Variants in NRP1 observed in about 807,000 individuals in gnomAD.
The protein encoded by NRP1 is neuropilin-1.
NRP1 carries 35 observed loss-of-function variants against 106.7 expected under a neutral mutation model. The ratio of observed to expected loss-of-function variants is 0.33; its 90% CI spans 0.25 to 0.43. The LOEUF is 0.43. Among genes scored for constraint, NRP1 ranks in the 20% least tolerant of loss-of-function variants. The pLI, the probability that NRP1 is intolerant of heterozygous loss-of-function variation, is 1.00. For synonymous variants in NRP1, 437 were observed against 417.9 expected (o/e 1.05, Z -0.56); for missense variants, 1,024 against 1,170.4 (o/e 0.87, Z 1.83).
At chr10:33,320,028 C>T (rs940179985) in intron 2 of NRP1, among the ~76,000 whole-genome samples, 3 of 144,122 alleles carry the variant, frequency 2.1e-5, no homozygotes, top group Admixed American at 6.9e-5. Flanking sequence ...AAGCCTGCTC[C>T]GGGGCCGGGC....
At chr10:33,217,837 C>T (rs1838901101) in intron 8 of NRP1, among the ~76,000 whole-genome samples, 1 of 152,076 alleles carries the variant, frequency 6.6e-6, no homozygotes, top group Admixed American at 6.5e-5. Flanking sequence ...GGATTGAGGT[C>T]GTTATTTTCA....
At chr10:33,247,692 A>T (rs116676176) in intron 6 of NRP1, among the ~76,000 whole-genome samples, 13,030 of 152,172 alleles carry the variant, frequency 0.086, 625 homozygotes, top group Middle Eastern at 0.2. Flanking sequence ...GTGGCCAGAG[A>T]GCTTTGCAAG....
chr10:33,268,334 G>A (rs1268418389), intron 3 of NRP1, among the ~76,000 whole-genome samples: 1 of 152,128 alleles, frequency 6.6e-6, no homozygotes, highest in East Asian at 1.9e-4. Context: ...TCACATGGGA[G>A]GGCCACAACT....
At chr10:33,270,943 T>G in intron 2 of NRP1, 87 bp from the exon 3 acceptor site, 1 of 1,202,702 alleles carries the variant, frequency 8.3e-7, no homozygotes, top group Non-Finnish European at 1.1e-6. Flanking sequence ...TCATCCAGCA[T>G]AGTGTGCCAG....
intron 2 of NRP1, among the ~76,000 whole-genome samples, chr10:33,319,041 G>C (rs898920521): frequency 1.7e-5 from 2 of 119,328 alleles, no homozygotes; most frequent in Admixed American, 2.2e-4. Flanking sequence ...GTCTCGCTCT[G>C]TCGCCCAGGC....
intron 12 of NRP1, chr10:33,195,713 A>C (rs1836735130): frequency 2.7e-6 from 1 of 369,542 alleles, no homozygotes; most frequent in Admixed American, 3.5e-5. Flanking sequence ...CCAGAAGGTG[A>C]CAATCAACAG....
chr10:33,314,230 G>A (rs910058398), intron 2 of NRP1, among the ~76,000 whole-genome samples: 4 of 152,060 alleles, frequency 2.6e-5, no homozygotes, highest in African/African-American at 7.2e-5. Context: ...AAGACTACGG[G>A]CGCATGGCAC....
intron 2 of NRP1, among the ~76,000 whole-genome samples, chr10:33,327,775 T>G (rs948365342): frequency 1.3e-5 from 2 of 152,136 alleles, no homozygotes; most frequent in African/African-American, 2.4e-5. Context: ...GAATCTCAAA[T>G]GCACCCTTCA....
intron 10 of NRP1, chr10:33,206,175 C>T (rs751425612): frequency 3.9e-6 from 2 of 517,088 alleles, no homozygotes; most frequent in South Asian, 2.8e-5. Context: ...GCATCGCCTT[C>T]CAGAATCCAG....
intron 6 of NRP1, among the ~76,000 whole-genome samples, chr10:33,253,042 A>G (rs1841972235): frequency 6.7e-6 from 1 of 150,064 alleles, no homozygotes; most frequent in Non-Finnish European, 1.5e-5. Flanking sequence ...GGAATTAGTC[A>G]TTTTATATCT....
At chr10:33,274,982 G>T (rs2133329189) in intron 2 of NRP1, among the ~76,000 whole-genome samples, 1 of 152,252 alleles carries the variant, frequency 6.6e-6, no homozygotes, top group Admixed American at 6.5e-5. Flanking sequence ...TGCCGTCCAA[G>T]AATTAACTTA....
intron 2 of NRP1, among the ~76,000 whole-genome samples, chr10:33,326,909 T>C (rs1487932890): frequency 6.6e-6 from 1 of 152,174 alleles, no homozygotes; most frequent in Non-Finnish European, 1.5e-5. Context: ...GTTAAGATTA[T>C]GAAATGATGT....
At chr10:33,279,379 C>A (rs74759424) in intron 2 of NRP1, among the ~76,000 whole-genome samples, 3,632 of 152,290 alleles carry the variant, frequency 0.024, 82 homozygotes, top group Non-Finnish European at 0.032. Flanking sequence ...CAGGTTCTTG[C>A]AGCTGCAGGG....
At chr10:33,290,273 G>A (rs990804874) in intron 2 of NRP1, among the ~76,000 whole-genome samples, 1 of 151,212 alleles carries the variant, frequency 6.6e-6, no homozygotes, top group African/African-American at 2.4e-5. Flanking sequence ...CCAAATCTGT[G>A]CTAGTTTAGT....
At chr10:33,196,949 C>T (rs917902379) in intron 12 of NRP1, among the ~76,000 whole-genome samples, 1 of 152,106 alleles carries the variant, frequency 6.6e-6, no homozygotes, top group East Asian at 1.9e-4. Context: ...TATTTAAAAC[C>T]TCTGATTGCT....
chr10:33,274,976 G>A (rs771434484), intron 2 of NRP1, among the ~76,000 whole-genome samples: 2 of 152,070 alleles, frequency 1.3e-5, no homozygotes, highest in Non-Finnish European at 2.9e-5. Flanking sequence ...CTGTGCTGCC[G>A]TCCAAGAATT....
At chr10:33,311,795 G>C (rs1474555345) in intron 2 of NRP1, among the ~76,000 whole-genome samples, 2 of 152,128 alleles carry the variant, frequency 1.3e-5, no homozygotes, top group Non-Finnish European at 2.9e-5. Context: ...ATGACCTCAT[G>C]TTCAACATCA....
At chr10:33,260,050 G>T (rs1188386352) in intron 4 of NRP1, among the ~76,000 whole-genome samples, 7 of 151,880 alleles carry the variant, frequency 4.6e-5, no homozygotes, top group African/African-American at 1.7e-4. Flanking sequence ...TAGAGACAGG[G>T]TCTCATCTCT....
At chr10:33,313,623 C>T (rs1846774657) in intron 2 of NRP1, among the ~76,000 whole-genome samples, 2 of 152,124 alleles carry the variant, frequency 1.3e-5, no homozygotes, top group South Asian at 4.2e-4. Flanking sequence ...GAGCTTCATT[C>T]CTCTCATTTC....
Sources: gnomAD v4.1 joint callset for allele counts (sites outside exome capture counted in the v4.1 genomes callset) on GRCh38, gnomAD v4.1.1 for gene constraint, MANE v1.5 for transcripts, NCBI Gene and HGNC (gene_info 2026-07-23, HGNC 2026-07-21) for gene names.